Variants in SHB observed in about 807,000 individuals in gnomAD.
SHB encodes SH2 domain containing adaptor protein B, also known as SH2 domain-containing adapter protein B.
SHB carries 20 observed loss-of-function variants against 52.3 expected under a neutral mutation model. The observed-to-expected ratio is 0.38, with a 90% CI of 0.27 to 0.56. SHB has a LOEUF of 0.56. Ranked by LOEUF, SHB falls within the 20% of genes least tolerant of loss-of-function variation. The pLI is 0.71. For missense variants in SHB, 825 were observed against 723.3 expected (o/e 1.14, Z -1.61); for synonymous variants, 397 against 316.5 (o/e 1.25, Z -2.70).
intron 2 of SHB, among the ~76,000 whole-genome samples, chr9:38,004,104 G>A (rs1821051862): frequency 6.6e-6 from 1 of 152,224 alleles, no homozygotes; most frequent in African/African-American, 2.4e-5. Flanking sequence ...GTGCTCCCAG[G>A]CCCCCAGCTG....
At chr9:38,043,416 T>C (rs1821606422) in intron 1 of SHB, among the ~76,000 whole-genome samples, 2 of 152,200 alleles carry the variant, frequency 1.3e-5, no homozygotes, top group African/African-American at 2.4e-5. Flanking sequence ...TAACTGTGCA[T>C]TTCCCTGTCT....
At chr9:38,037,601 G>A (rs1452730732) in intron 1 of SHB, among the ~76,000 whole-genome samples, 1 of 152,186 alleles carries the variant, frequency 6.6e-6, no homozygotes, top group East Asian at 1.9e-4. Flanking sequence ...AGTGGGGATA[G>A]TAACAGAACC....
At chr9:38,008,277 C>A (rs976986014) in intron 2 of SHB, among the ~76,000 whole-genome samples, 3 of 152,200 alleles carry the variant, frequency 2.0e-5, no homozygotes, top group African/African-American at 7.2e-5. Flanking sequence ...CTAGAGTGGG[C>A]CCGCTGGTCG....
intron 1 of SHB, among the ~76,000 whole-genome samples, chr9:38,035,370 A>C (rs1280683974): frequency 6.6e-6 from 1 of 151,884 alleles, no homozygotes; most frequent in African/African-American, 2.4e-5. Flanking sequence ...CTAGACTGAG[A>C]TCCTTTGCCA....
chr9:37,944,668 C>G (rs746790801), intron 5 of SHB, among the ~76,000 whole-genome samples: 4 of 152,170 alleles, frequency 2.6e-5, no homozygotes, highest in Admixed American at 2.6e-4. Flanking sequence ...ACGTCAGTGG[C>G]CCCATCACTG....
chr9:38,068,921 C>T lies in SHB; in HGVS notation c.-276G>A, dbSNP rs1822017573. The T allele has an allele frequency of 6.6e-6, 1 of 152,288 alleles. No homozygotes were observed. Among genetic ancestry groups the T allele is most frequent in the Non-Finnish European group, 1.5e-5 (1 of 68,252 alleles). 9.4% of individuals were successfully genotyped at this position (152,288 alleles called of 1,614,324 possible). ...GCGTCTCATGGGGTCCCGGCCCACG[C>T]CCGGGGGAGAGCGGAAGGTCCGAGC... is the stretch of plus-strand genomic sequence containing the variant. On this transcript the variant is annotated 5_prime_UTR_variant, in exon 1 of 6. Coordinates refer to ENST00000377707, the MANE Select transcript of SHB (RefSeq NM_003028.3).
intron 1 of SHB, among the ~76,000 whole-genome samples, chr9:38,027,540 G>A (rs550989613): frequency 1.3e-5 from 2 of 151,940 alleles, no homozygotes; most frequent in South Asian, 2.1e-4. Context: ...TGATCTGGGA[G>A]GAGACACTTA....
At chr9:38,033,171 G>T (rs984558276) in intron 1 of SHB, among the ~76,000 whole-genome samples, 1 of 152,174 alleles carries the variant, frequency 6.6e-6, no homozygotes, top group African/African-American at 2.4e-5. Flanking sequence ...CGGCCCTCAG[G>T]GTCAGCATGG....
At chr9:38,065,891 C>G (rs999962502) in intron 1 of SHB, among the ~76,000 whole-genome samples, 1 of 152,136 alleles carries the variant, frequency 6.6e-6, no homozygotes, top group African/African-American at 2.4e-5. Flanking sequence ...CTCCAGCCAA[C>G]CATGGTGACC....
At chr9:37,982,047 T>A (rs527377220) in intron 2 of SHB, among the ~76,000 whole-genome samples, 1 of 151,730 alleles carries the variant, frequency 6.6e-6, no homozygotes, top group Non-Finnish European at 1.5e-5. Context: ...GGAAAAATGA[T>A]GCTGATAGAC....
chr9:38,025,650 A>G (rs1481505957), intron 1 of SHB, among the ~76,000 whole-genome samples: 1 of 152,184 alleles, frequency 6.6e-6, no homozygotes. Flanking sequence ...CATCTGTGAA[A>G]TGAGGATGGG....
intron 3 of SHB, 21 bp from the exon 4 acceptor site, chr9:37,956,075 T>G (rs1489268984): frequency 6.4e-7 from 1 of 1,551,330 alleles, no homozygotes; most frequent in Non-Finnish European, 8.7e-7. Flanking sequence ...AGAGAGAAAG[T>G]GCAGGGTTAG....
chr9:37,956,778 T>C (rs1224129801), intron 3 of SHB, among the ~76,000 whole-genome samples: 6 of 152,216 alleles, frequency 3.9e-5, no homozygotes, highest in African/African-American at 9.6e-5. Flanking sequence ...AGAGGGTTCC[T>C]GGAGACCACC....
rs1432358797 is a variant in SHB at position 37,917,624 on chromosome 9, G to C, written c.*2197C>G. 2.0e-5 allele frequency among the ~76,000 whole-genome samples: 3 copies of C among 152,198 alleles called. No homozygotes were observed. Among genetic ancestry groups the C allele is most frequent in the Non-Finnish European group, 4.4e-5 (3 of 68,044 alleles). On this transcript the variant is annotated 3_prime_UTR_variant, in exon 6 of 6. Transcript: ENST00000377707. ...TCTGAGAATAAGCCTTGGGGTCCAGGCTCCTCTGTTTGGCCAAGTGCCAAC... is the reference window on the plus strand; with the variant it reads ...TCTGAGAATAAGCCTTGGGGTCCAGCCTCCTCTGTTTGGCCAAGTGCCAAC...
At chr9:37,944,373 G>A (rs1030830205) in intron 5 of SHB, among the ~76,000 whole-genome samples, 1 of 152,182 alleles carries the variant, frequency 6.6e-6, no homozygotes, top group Non-Finnish European at 1.5e-5. Context: ...CTGCCAGCCG[G>A]GCAGCCTTAC....
intron 1 of SHB, among the ~76,000 whole-genome samples, chr9:38,053,172 A>G (rs1486389758): frequency 6.6e-6 from 1 of 151,840 alleles, no homozygotes; most frequent in Non-Finnish European, 1.5e-5. Flanking sequence ...AGCTCTACCC[A>G]CTACTAGCAG....
chr9:38,049,454 T>C (rs1351276280), intron 1 of SHB, among the ~76,000 whole-genome samples: 1 of 151,706 alleles, frequency 6.6e-6, no homozygotes, highest in Non-Finnish European at 1.5e-5. Context: ...ACTAAAAGAA[T>C]GCAAAAATTG....
At chr9:37,933,599 C>G (rs1832337638) in intron 5 of SHB, among the ~76,000 whole-genome samples, 1 of 152,188 alleles carries the variant, frequency 6.6e-6, no homozygotes, top group Non-Finnish European at 1.5e-5. Flanking sequence ...CAAGCAAAAT[C>G]TGTTGTAAAC....
rs1021594657 is a variant in SHB, at chr9:38,037,701, G to A, written c.718-21570C>T. The stretch of plus-strand genomic sequence containing the variant: ...GTACCATTCTGAGAACCCCACCTCC[G>A]CTAGAAGTGAGCCTCTCTCCTCTGA... On this transcript the variant is annotated intron_variant, in intron 1 of 5. Transcript: ENST00000377707. 4.6e-5 allele frequency among the ~76,000 whole-genome samples: 7 copies of A among 152,224 alleles called. No individual in the cohort carries two copies. In the South Asian group the frequency reaches 6.2e-4, roughly 14 times the overall value.
Sources: gnomAD v4.1 joint callset for allele counts (sites outside exome capture counted in the v4.1 genomes callset) on GRCh38, gnomAD v4.1.1 for gene constraint, MANE v1.5 for transcripts, NCBI Gene and HGNC (gene_info 2026-07-23, HGNC 2026-07-21) for gene names.